The following ASCC3 variants were observed in gnomAD, a reference collection of about 807,000 sequenced individuals.
ASCC3 encodes ASC-1 complex subunit P200.
A neutral mutation model predicts 256.3 loss-of-function variants in ASCC3; 158 were observed. The ratio of observed to expected loss-of-function variants is 0.62; its 90% CI spans 0.54 to 0.70. ASCC3 has a LOEUF of 0.70. ASCC3 is among the 30% of genes least tolerant of loss of function. ASCC3 has a pLI of 0.00. For synonymous variants in ASCC3, 948 were observed against 883.4 expected, an observed-to-expected ratio of 1.07 and a Z score of -1.30; for missense variants, 2,259 against 2,626.0, an observed-to-expected ratio of 0.86 and a Z score of 3.05.
intron 1 of ASCC3, among the ~76,000 whole-genome samples, chr6:100,875,180 G>GA (rs894613075): frequency 6.6e-5 from 10 of 152,040 alleles, no homozygotes; most frequent in African/African-American, 2.2e-4. Context: ...TTAAGCCAGG[G>GA]AAACACATAA....
At chr6:100,770,334 T>G (rs188265452) in intron 8 of ASCC3, among the ~76,000 whole-genome samples, 10 of 152,048 alleles carry the variant, frequency 6.6e-5, no homozygotes, top group African/African-American at 9.6e-5. Flanking sequence ...ATAGAAGGCA[T>G]CTACAAAAGC....
chr6:100,857,249 T>C (rs1288783078), intron 3 of ASCC3: 1 of 152,158 alleles, frequency 6.6e-6, no homozygotes, highest in Non-Finnish European at 1.5e-5. Flanking sequence ...TATAGGATTA[T>C]CTGTCCTTTC....
At chr6:100,530,914 G>C in intron 37 of ASCC3, 3 of 1,304,838 alleles carry the variant, frequency 2.3e-6, no homozygotes, top group Non-Finnish European at 3.3e-6. Context: ...AAGACACTTG[G>C]AATCTTCTTT....
intron 5 of ASCC3, among the ~76,000 whole-genome samples, chr6:100,801,579 A>G (rs1390434085): frequency 6.6e-6 from 1 of 152,086 alleles, no homozygotes; most frequent in Non-Finnish European, 1.5e-5. Context: ...AATCATAGGG[A>G]AAACTTGTAT....
intron 8 of ASCC3, among the ~76,000 whole-genome samples, chr6:100,781,188 T>C (rs1291399443): frequency 6.6e-6 from 1 of 152,218 alleles, no homozygotes; most frequent in Non-Finnish European, 1.5e-5. Flanking sequence ...ATAAATCAAC[T>C]AAGAGTTAAG....
chr6:100,824,720 A>T (rs1474990294), intron 4 of ASCC3, among the ~76,000 whole-genome samples: 4 of 152,194 alleles, frequency 2.6e-5, no homozygotes, highest in Non-Finnish European at 4.4e-5. Flanking sequence ...GGTACATGAT[A>T]ATATCAATAC....
chr6:100,746,507 G>C (rs1780686283), intron 10 of ASCC3, among the ~76,000 whole-genome samples: 1 of 152,102 alleles, frequency 6.6e-6, no homozygotes, highest in African/African-American at 2.4e-5. Flanking sequence ...TAAAACTTCA[G>C]ATTCCTTTCA....
At chr6:100,570,088 T>C (rs982619740) in intron 36 of ASCC3, among the ~76,000 whole-genome samples, 29 of 152,192 alleles carry the variant, frequency 1.9e-4, no homozygotes, top group African/African-American at 6.8e-4. Flanking sequence ...AGATTGAACA[T>C]TATTGGTGTA....
intron 33 of ASCC3, 77 bp downstream of exon 33, chr6:100,605,491 A>G: frequency 2.7e-6 from 3 of 1,092,214 alleles, no homozygotes; most frequent in Non-Finnish European, 4.0e-6. Context: ...ACTGATTTTT[A>G]TATAATAAAA....
rs977916196 is a variant in ASCC3, at chr6:100,565,557, C to T, written c.5550+24077G>A. ...AATGTCACATTAAAGAGCCTTACTG[C>T]TTTTTTATTTGGAGGTAGGATGATG... is the stretch of plus-strand genomic sequence containing the variant. On this transcript the variant is annotated intron_variant, in intron 36 of 41. Coordinates refer to ENST00000369162, the MANE Select transcript of ASCC3 (RefSeq NM_006828.4). 2.6e-5 allele frequency among the ~76,000 whole-genome samples: 4 copies of T among 152,220 alleles called. No individual in the cohort carries two copies. The South Asian group carries it at 8.3e-4, about 32-fold the overall frequency.
chr6:100,814,473 G>T (rs979509332), intron 4 of ASCC3, among the ~76,000 whole-genome samples: 1 of 152,100 alleles, frequency 6.6e-6, no homozygotes, highest in Non-Finnish European at 1.5e-5. Flanking sequence ...AGTTAGGGAG[G>T]AGTCCCTCCT....
intron 26 of ASCC3, among the ~76,000 whole-genome samples, chr6:100,630,112 A>G (rs900054062): frequency 3.3e-5 from 5 of 151,242 alleles, no homozygotes; most frequent in South Asian, 2.1e-4. Context: ...CTGGTCTCCA[A>G]CTCCTTTTCT....
At chr6:100,800,195 G>T in intron 6 of ASCC3, 105 bp downstream of exon 6, 1 of 1,241,040 alleles carries the variant, frequency 8.1e-7, no homozygotes, top group Non-Finnish European at 1.2e-6. Context: ...AACGTGACTT[G>T]AAGTAAAAAT....
At chr6:100,539,253 T>G (rs1361126207) in intron 37 of ASCC3, among the ~76,000 whole-genome samples, 1 of 152,150 alleles carries the variant, frequency 6.6e-6, no homozygotes, top group Non-Finnish European at 1.5e-5. Flanking sequence ...CAACTAATCT[T>G]CAAGAAATAT....
At chr6:100,621,850 A>C (rs1297545399) in intron 30 of ASCC3, among the ~76,000 whole-genome samples, 2 of 152,228 alleles carry the variant, frequency 1.3e-5, no homozygotes, top group Non-Finnish European at 2.9e-5. Context: ...AATGCCCATC[A>C]GTGATAGACT....
At chr6:100,791,091 A>G (rs1769330187) in intron 8 of ASCC3, among the ~76,000 whole-genome samples, 1 of 151,882 alleles carries the variant, frequency 6.6e-6, no homozygotes, top group African/African-American at 2.4e-5. Context: ...AGAGTCAAAA[A>G]TTGATAAAAA....
chr6:100,799,699 CAAAG>C, intron 6 of ASCC3, 127 bp from the exon 7 acceptor site: 2 of 975,004 alleles, frequency 2.1e-6, no homozygotes, highest in Non-Finnish European at 3.0e-6. Context: ...TTAAACTACA[CAAAG>C]GAAGATTTTA....
At chr6:100,831,778 A>G (rs1242877307) in intron 4 of ASCC3, among the ~76,000 whole-genome samples, 1 of 152,202 alleles carries the variant, frequency 6.6e-6, no homozygotes, top group Admixed American at 6.5e-5. Flanking sequence ...ATGAAACATA[A>G]GAAAATAATA....
At chr6:100,591,539 G>A (rs1369844221) in intron 34 of ASCC3, among the ~76,000 whole-genome samples, 1 of 151,952 alleles carries the variant, frequency 6.6e-6, no homozygotes, top group African/African-American at 2.4e-5. Context: ...AGCTGATAAA[G>A]TTATTTCTAA....
Sources: allele counts gnomAD v4.1 joint callset (sites outside exome capture counted in the v4.1 genomes callset), GRCh38; gene constraint gnomAD v4.1.1; transcripts MANE v1.5; gene names NCBI Gene and HGNC (gene_info 2026-07-23, HGNC 2026-07-21).